VPS39: variants seen among roughly 807,000 people sequenced by gnomAD.
VPS39 encodes the protein vam6/Vps39-like protein.
VPS39 carries 70 observed loss-of-function variants against 121.0 expected under a neutral mutation model. The observed-to-expected ratio is 0.58, with a 90% CI of 0.48 to 0.71. The LOEUF is 0.71. VPS39 is among the 30% of genes least tolerant of loss of function. VPS39 has a pLI of 0.00. For missense variants in VPS39, 818 were observed against 1,051.5 expected (o/e 0.78, Z 3.07); for synonymous variants, 378 against 398.1 (o/e 0.95, Z 0.60).
intron 8 of VPS39, among the ~76,000 whole-genome samples, chr15:42,179,912 T>C (rs1429320855): frequency 6.6e-6 from 1 of 152,146 alleles, no homozygotes; most frequent in Non-Finnish European, 1.5e-5. Flanking sequence ...GCCTCATCAA[T>C]AGATTAATGC....
intron 8 of VPS39, chr15:42,184,304 T>G: frequency 2.6e-6 from 1 of 391,310 alleles, no homozygotes; most frequent in Non-Finnish European, 4.5e-6. Flanking sequence ...GTTTATATGT[T>G]TTCCCCCTCT....
chr15:42,163,202 C>T, intron 21 of VPS39, 148 bp downstream of exon 21: 2 of 936,284 alleles, frequency 2.1e-6, no homozygotes, highest in South Asian at 3.0e-5. Flanking sequence ...GAATGGTCCC[C>T]TGCTGTCCCT....
At position 42,167,418 on chromosome 15, in the gene VPS39, G is replaced by A. The variant is rs1201590003; in HGVS notation, c.1353C>T (p.Thr451=). Residue 451 remains threonine, a synonymous_variant, in exon 13 of 25, where the codon ACC becomes ACT. Transcript: ENST00000318006. ...CATGGAGATAGCACTTGAGCAGGGT[G>A]GTGTCGATGATTTGTAGCAGCTTCT... ...SKKKLLQIID[T]TLLKCYLHTN... The A allele has an allele frequency of 1.2e-6, 2 of 1,614,054 alleles. No homozygotes were observed. Among genetic ancestry groups the A allele is most frequent in the African/African-American group, 2.7e-5 (2 of 74,920 alleles).
In VPS39 at chr15:42,167,374, C is replaced by G. The variant is rs752456186; in HGVS notation, c.1377+20G>C. 1.9e-6 allele frequency: 3 copies of G among 1,613,038 alleles called. No individual in the cohort carries two copies. The highest frequency in any genetic ancestry group is 3.3e-4 in the Middle Eastern group (2 of 6,004). ...CAGGGTAACTGGGAATTGTGGCACC[C>G]GAGCGCTCAGGTAACTCACATGGAG... is the stretch of plus-strand genomic sequence containing the variant. On this transcript the variant is annotated intron_variant, in intron 13 of 24. Transcript: ENST00000318006.
At position 42,166,628 on chromosome 15, in the gene VPS39, T is replaced by G; in HGVS notation, c.1541A>C (p.Gln514Pro). 1 of 1,614,208 alleles carries G rather than the reference T, an allele frequency of 6.2e-7. No homozygotes were observed. Among genetic ancestry groups the G allele is most frequent in the Non-Finnish European group, 8.5e-7 (1 of 1,180,026 alleles). Residue 514 changes from glutamine to proline, a missense_variant, in exon 15 of 25, where the codon CAG becomes CCG. Transcript: ENST00000318006. ...HEKALQVLVD[Q>P]SKKANSPLKG... ...CAGAGGGGAGTTGGCTTTCTTGGAC[T>G]GGTCCACGAGCACCTGCAGAGCTGG...
chr15:42,181,223 A>G (rs938621390), intron 8 of VPS39, among the ~76,000 whole-genome samples: 5 of 152,194 alleles, frequency 3.3e-5, no homozygotes, highest in Admixed American at 3.3e-4. Flanking sequence ...TGGAATATAT[A>G]TTACCTTTTT....
At chr15:42,196,440 T>C (rs1475814085) in intron 2 of VPS39, among the ~76,000 whole-genome samples, 1 of 152,096 alleles carries the variant, frequency 6.6e-6, no homozygotes, top group East Asian at 1.9e-4. Context: ...AGGGCTAATA[T>C]CTAGAATCTA....
chr15:42,162,442 T>C lies in VPS39; in HGVS notation c.2215A>G (p.Ser739Gly), dbSNP rs765369762. The C allele has an allele frequency of 1.9e-6, 3 of 1,612,432 alleles. No homozygotes were observed. The highest frequency in any genetic ancestry group is 1.1e-5 in the South Asian group (1 of 90,874). The stretch of plus-strand genomic sequence containing the variant: ...TTGATTGGCCCCAGGCAGTGAATGC[T>C]GGGGGGCGACAGGTACATCCGAAGC... ...SLLRMYLSPP[S>G]IHCLGPIKLE... The change falls in exon 22 of 25, where the codon AGC (serine) becomes GGC (glycine). Residue 739 changes from serine (S) to glycine (G), a missense_variant. Coordinates refer to ENST00000318006, the MANE Select transcript of VPS39 (RefSeq NM_015289.5).
At chr15:42,202,964 A>G (rs900015003) in intron 1 of VPS39, among the ~76,000 whole-genome samples, 6 of 151,680 alleles carry the variant, frequency 4.0e-5, no homozygotes, top group African/African-American at 1.2e-4. Context: ...TCAAGAGTCT[A>G]TTTTCCATTT....
At chr15:42,186,319 G>C (rs1442850377) in intron 7 of VPS39, among the ~76,000 whole-genome samples, 1 of 151,692 alleles carries the variant, frequency 6.6e-6, no homozygotes, top group Admixed American at 6.6e-5. Flanking sequence ...ATGGTGGTAG[G>C]CATCTGGGCT....
At chr15:42,162,194 G>A in intron 22 of VPS39, 28 bp from the exon 23 acceptor site, 2 of 1,613,764 alleles carry the variant, frequency 1.2e-6, no homozygotes. Context: ...GATAGGGACT[G>A]GGTGAGGTGA....
chr15:42,164,778 G>C, intron 18 of VPS39: 1 of 1,429,906 alleles, frequency 7.0e-7, no homozygotes, highest in Non-Finnish European at 9.1e-7. Flanking sequence ...CTCCCCGAGG[G>C]ATGACTCTGA....
intron 18 of VPS39, 159 bp from the exon 19 acceptor site, chr15:42,164,645 C>T (rs2140836898): frequency 6.9e-7 from 1 of 1,440,010 alleles, no homozygotes; most frequent in African/African-American, 1.4e-5. Context: ...TCATAGTCTC[C>T]ATGTGGCCCC....
chr15:42,161,721 T>G lies in VPS39; in HGVS notation c.2513A>C (p.Glu838Ala), dbSNP rs758727646. The G allele has an allele frequency of 6.2e-7, 1 of 1,614,084 alleles. No individual in the cohort carries two copies. The highest frequency in any genetic ancestry group is 1.1e-5 in the South Asian group (1 of 91,078). Residue 838 changes from glutamate to alanine, a missense_variant, in exon 24 of 25, where the codon GAG becomes GCG. By Grantham distance (107) the Glu-to-Ala change is moderately radical. Transcript: ENST00000318006. ...HQQVKCIITE[E>A]KVCMVCKKKI... ...CTTCTTACACACCATGCACACCTTC[T>G]CCTCTGTGATGATGCACTTCACCTG... is the stretch of plus-strand genomic sequence containing the variant.
intron 10 of VPS39, among the ~76,000 whole-genome samples, chr15:42,176,590 C>T (rs1334138238): frequency 6.7e-6 from 1 of 149,662 alleles, no homozygotes; most frequent in African/African-American, 2.5e-5. Flanking sequence ...TAGGACAATG[C>T]ATGAGTAGAA....
chr15:42,161,989 A>G (rs754988000), intron 23 of VPS39, 43 bp downstream of exon 23: 5 of 1,612,406 alleles, frequency 3.1e-6, no homozygotes, highest in Non-Finnish European at 4.2e-6. Flanking sequence ...TCTCATACTA[A>G]AAGTTAAAAG....
Position 42,160,530 on chromosome 15 carries a change from A to G in VPS39, c.*224T>C. ...ACTGAATTCTCTGGAATTGCCCACAACATAATGGTATAAGGTATAACTAAT... is the reference window on the plus strand; with the variant it reads ...ACTGAATTCTCTGGAATTGCCCACAGCATAATGGTATAAGGTATAACTAAT... On this transcript the variant is annotated 3_prime_UTR_variant, in exon 25 of 25. Coordinates refer to ENST00000318006, the MANE Select transcript of VPS39 (RefSeq NM_015289.5). 1.8e-6 allele frequency: 1 copy of G among 551,216 alleles called. No homozygotes were observed. Among genetic ancestry groups the G allele is most frequent in the East Asian group, 2.9e-5 (1 of 34,096 alleles). 34.1% of individuals were successfully genotyped at this position (551,216 alleles called of 1,614,324 possible). A position where few individuals can be genotyped will look rare whatever the true frequency, so the allele number is the denominator to read the frequency against.
chr15:42,202,096 C>T (rs971036687), intron 1 of VPS39, among the ~76,000 whole-genome samples: 40 of 152,110 alleles, frequency 2.6e-4, no homozygotes, highest in African/African-American at 9.2e-4. Context: ...GTCTTGATTC[C>T]CAACCACATG....
At chr15:42,203,734 A>C (rs1320242808) in intron 1 of VPS39, among the ~76,000 whole-genome samples, 1 of 152,224 alleles carries the variant, frequency 6.6e-6, no homozygotes, top group Non-Finnish European at 1.5e-5. Context: ...TAAACTTTTA[A>C]ATCAACCTGA....
Sources: allele counts gnomAD v4.1 joint callset (sites outside exome capture counted in the v4.1 genomes callset), GRCh38; gene constraint gnomAD v4.1.1; transcripts MANE v1.5; gene names NCBI Gene and HGNC (gene_info 2026-07-23, HGNC 2026-07-21).